The following MED23 variants were observed in gnomAD, a reference collection of about 807,000 sequenced individuals.
MED23 encodes the protein mediator of RNA polymerase II transcription subunit 23.
In MED23, 105 loss-of-function variants were observed where a neutral mutation model predicts 163.9. That is an observed-to-expected ratio of 0.64 (90% confidence interval 0.55 to 0.75). MED23 has a LOEUF of 0.75. Among genes scored for constraint, MED23 ranks in the 30% least tolerant of loss-of-function variants. The pLI is 0.00. For missense variants in MED23, 1,054 were observed against 1,649.0 expected (o/e 0.64, Z 6.25); for synonymous variants, 561 against 565.6 (o/e 0.99, Z 0.12).
At position 131,623,406 on chromosome 6, in the gene MED23, A is replaced by G. The variant is rs752309910; in HGVS notation, c.341T>C (p.Leu114Pro). The G allele has an allele frequency of 6.2e-7, 1 of 1,614,140 alleles. No homozygotes were observed. Among genetic ancestry groups the G allele is most frequent in the Non-Finnish European group, 8.5e-7 (1 of 1,180,018 alleles). The change falls in exon 5 of 29, where the codon CTT becomes CCT. Residue 114 changes from leucine (L) to proline (P), a missense_variant. By Grantham distance (98) the Leu-to-Pro change is moderately conservative (BLOSUM62 -3). This residue lies in a region of MED23 where 227 missense variants were observed against 235.5 expected (regional missense o/e 0.96). Transcript: ENST00000368068. ...SDTLEWERTQ[L>P]WALTFKLVRK... ...AACCAGTTTAAATGTTAAGGCCCAAAGCTGTGTTCTTTCCCACTCAAGAGT... is the reference window on the plus strand; with the variant it reads ...AACCAGTTTAAATGTTAAGGCCCAAGGCTGTGTTCTTTCCCACTCAAGAGT...
At chr6:131,612,730 T>C (rs1324221509) in intron 10 of MED23, among the ~76,000 whole-genome samples, 1 of 152,120 alleles carries the variant, frequency 6.6e-6, no homozygotes, top group Non-Finnish European at 1.5e-5. Context: ...TTTAATATTT[T>C]CAGCTTTGAT....
chr6:131,574,368 T>G (rs1189572672), intron 30 of MED23: 2 of 1,552,550 alleles, frequency 1.3e-6, no homozygotes, highest in Non-Finnish European at 1.8e-6. Context: ...AATACTACTT[T>G]GCTTCCCCTG....
chr6:131,627,329 G>GAAAAAAAAAAAAAAAAAAAAAAAAA, intron 3 of MED23, 67 bp downstream of exon 3: 3 of 871,708 alleles, frequency 3.4e-6, no homozygotes, highest in South Asian at 3.2e-5. Flanking sequence ...AATGTTAAAA[G>GAAAAAAAAAAAAAAAAAAAAAAAAA]AAAAAAAAAA....
intron 30 of MED23, among the ~76,000 whole-genome samples, chr6:131,575,879 T>C (rs1773588592): frequency 6.7e-6 from 1 of 150,044 alleles, no homozygotes; most frequent in Non-Finnish European, 1.5e-5. Context: ...TTGAAATTAC[T>C]GGGTTGGTCT....
intron 10 of MED23, among the ~76,000 whole-genome samples, chr6:131,612,308 G>T (rs1261865752): frequency 6.6e-6 from 1 of 151,312 alleles, no homozygotes; most frequent in Admixed American, 6.6e-5. Flanking sequence ...AAAAGTCTGA[G>T]ATACAAAATG....
chr6:131,622,104 C>A, intron 5 of MED23, 125 bp from the exon 6 acceptor site: 1 of 652,002 alleles, frequency 1.5e-6, no homozygotes, highest in Non-Finnish European at 2.7e-6. Context: ...GAATCAGTTA[C>A]AATCTAAGTC....
rs1562367900 is a variant in MED23, at chr6:131,589,485, C to A, written c.3919G>T (p.Gly1307Cys). ...FLYHMKYMFT[G>C]DSVKEQVEKI... ...CTTACTTGCTCTTTCACGCTGTCAC[C>A]AGTAAACATATACTTCATGTGATAG... The change falls in exon 28 of 29, where the codon GGT becomes TGT. Residue 1307 changes from glycine (G) to cysteine (C), a missense_variant. Coordinates refer to ENST00000368068, the MANE Select transcript of MED23 (RefSeq NM_004830.4). The A allele has an allele frequency of 6.2e-7, 1 of 1,613,652 alleles. No individual in the cohort carries two copies. The highest frequency in any genetic ancestry group is 1.1e-5 in the South Asian group (1 of 91,054).
chr6:131,627,923 G>T, intron 1 of MED23, 88 bp downstream of exon 1: 1 of 1,533,022 alleles, frequency 6.5e-7, no homozygotes, highest in Non-Finnish European at 9.0e-7. Context: ...CGTGAGAGGA[G>T]GTTGCCCAGG....
At chr6:131,594,424 A>C in intron 22 of MED23, 89 bp from the exon 23 acceptor site, 1 of 976,822 alleles carries the variant, frequency 1.0e-6, no homozygotes, top group Non-Finnish European at 1.7e-6. Flanking sequence ...ATAACTGAAA[A>C]ACAGCTCAGA....
intron 30 of MED23, among the ~76,000 whole-genome samples, chr6:131,576,994 G>A (rs1483259851): frequency 2.0e-5 from 3 of 152,088 alleles, no homozygotes; most frequent in African/African-American, 7.2e-5. Flanking sequence ...GTGCAAGAAC[G>A]GGGGTTGGGG....
chr6:131,597,558 G>A (rs916216241), intron 20 of MED23, among the ~76,000 whole-genome samples: 1 of 151,564 alleles, frequency 6.6e-6, no homozygotes, highest in African/African-American at 2.4e-5. Flanking sequence ...AACATTTGGG[G>A]AATGTTTGTT....
At chr6:131,625,546 A>G (rs1777423177) in intron 3 of MED23, among the ~76,000 whole-genome samples, 1 of 152,230 alleles carries the variant, frequency 6.6e-6, no homozygotes, top group South Asian at 2.1e-4. Flanking sequence ...CTCCAAAAAG[A>G]GCCTATAATG....
chr6:131,579,727 G>T, intron 30 of MED23: 1 of 158,608 alleles, frequency 6.3e-6, no homozygotes, highest in Non-Finnish European at 1.4e-5. Context: ...AAAAAAATGT[G>T]GTAATTGTAC....
At chr6:131,584,023 C>T, downstream of MED23, 1 of 1,223,718 alleles carries the variant, frequency 8.2e-7, no homozygotes, top group Admixed American at 2.2e-5. Flanking sequence ...AAATGTTTTT[C>T]CAATTAGTAT....
intron 12 of MED23, among the ~76,000 whole-genome samples, chr6:131,606,889 G>T (rs1288484531): frequency 6.6e-6 from 1 of 151,848 alleles, no homozygotes; most frequent in South Asian, 2.1e-4. Context: ...TCCTACTATC[G>T]CAGAGCATTC....
intron 30 of MED23, among the ~76,000 whole-genome samples, chr6:131,574,608 G>A (rs1375296180): frequency 6.6e-6 from 1 of 152,174 alleles, no homozygotes. Flanking sequence ...CTAAGAGAGA[G>A]AGATTTTTTA....
chr6:131,592,573 C>A, intron 24 of MED23, 113 bp from the exon 25 acceptor site: 1 of 896,254 alleles, frequency 1.1e-6, no homozygotes. Flanking sequence ...ACAACTAATC[C>A]ATTTCAATAA....
intron 17 of MED23, among the ~76,000 whole-genome samples, chr6:131,601,847 AT>A (rs1775508654): frequency 6.6e-6 from 1 of 151,664 alleles, no homozygotes; most frequent in South Asian, 2.1e-4. Context: ...ATTAATAAAT[AT>A]TTTTAAACTT....
chr6:131,625,211 C>T (rs1777397026), intron 3 of MED23, among the ~76,000 whole-genome samples: 2 of 152,118 alleles, frequency 1.3e-5, no homozygotes, highest in African/African-American at 4.8e-5. Context: ...AAAATGCTAC[C>T]ATTTTTATTA....
Sources: gnomAD v4.1 joint callset for allele counts (sites outside exome capture counted in the v4.1 genomes callset) on GRCh38, gnomAD v4.1.1 for gene constraint, gnomAD v4.1.1 regional missense constraint, MANE v1.5 for transcripts, NCBI Gene and HGNC (gene_info 2026-07-23, HGNC 2026-07-21) for gene names.